Variants in PTPRD observed in about 807,000 individuals in gnomAD.
PTPRD encodes the protein protein tyrosine phosphatase receptor type D.
In PTPRD, 34 loss-of-function variants were observed where a neutral mutation model predicts 214.5. The ratio of observed to expected loss-of-function variants is 0.16; its 90% CI spans 0.12 to 0.21. The LOEUF (loss-of-function observed/expected upper bound fraction) is 0.21. Among genes scored for constraint, PTPRD ranks in the 10% least tolerant of loss-of-function variants. The pLI is 1.00. For missense variants in PTPRD, 2,545 were observed against 2,398.7 expected (o/e 1.06, Z -1.27); for synonymous variants, 1,128 against 845.7 (o/e 1.33, Z -5.79).
At chr9:10,040,258 T>C (rs1222574002) in intron 3 of PTPRD, among the ~76,000 whole-genome samples, 1 of 152,110 alleles carries the variant, frequency 6.6e-6, no homozygotes, top group Non-Finnish European at 1.5e-5. Context: ...TGTCGTTTGA[T>C]GTTATTGAAT....
At chr9:9,084,695 A>C (rs185694347) in intron 10 of PTPRD, among the ~76,000 whole-genome samples, 106 of 152,154 alleles carry the variant, frequency 7.0e-4, no homozygotes, top group Non-Finnish European at 1.2e-3. Context: ...GGTAGTAAAA[A>C]TATACTCCAA....
chr9:8,544,164 CTTTT>C (rs373194856), intron 14 of PTPRD, among the ~76,000 whole-genome samples: 11 of 111,144 alleles, frequency 9.9e-5, no homozygotes, highest in African/African-American at 3.6e-4. Context: ...TTTGCCATTA[CTTTT>C]TTTTTTTTTT....
intron 10 of PTPRD, among the ~76,000 whole-genome samples, chr9:9,060,517 T>G (rs1454215314): frequency 6.6e-6 from 1 of 152,084 alleles, no homozygotes; most frequent in Non-Finnish European, 1.5e-5. Flanking sequence ...CTAATTATGT[T>G]GTAGTAATAT....
intron 3 of PTPRD, among the ~76,000 whole-genome samples, chr9:10,087,739 T>C (rs2098370603): frequency 6.6e-6 from 1 of 151,752 alleles, no homozygotes; most frequent in African/African-American, 2.4e-5. Flanking sequence ...GAGTGCTTAA[T>C]ATTGCAACAA....
At chr9:9,271,349 C>A (rs187251736) in intron 9 of PTPRD, among the ~76,000 whole-genome samples, 5 of 150,272 alleles carry the variant, frequency 3.3e-5, no homozygotes, top group Non-Finnish European at 7.4e-5. Flanking sequence ...TGGAAAAGTA[C>A]GTTCACCTTC....
intron 11 of PTPRD, chr9:8,862,324 C>G (rs2098121641): frequency 2.0e-5 from 3 of 152,236 alleles, no homozygotes; most frequent in Admixed American, 1.3e-4. Context: ...CCATTGCACT[C>G]CAGACTGGGC....
rs73398660 is a variant in PTPRD, at chr9:9,826,256, C to A, written c.-367-59405G>T. On this transcript the variant is annotated intron_variant, in intron 5 of 45. Transcript: ENST00000381196. The stretch of plus-strand genomic sequence containing the variant: ...ATATTTGTTTGCTCTTATCTTCTTT[C>A]TAGTTCAGTCTTCATTTCTGAAATG... Among the ~76,000 whole-genome samples, 306 of 151,788 alleles carry A rather than the reference C, an allele frequency of 2.0e-3. 1 individual carries two copies. The highest frequency in any genetic ancestry group is 7.1e-3 in the African/African-American group (294 of 41,498).
rs532095396 is a variant in PTPRD, at chr9:9,836,220, C to A, written c.-367-69369G>T. Among the ~76,000 whole-genome samples, 15 of 152,196 alleles carry A rather than the reference C, an allele frequency of 9.9e-5. No homozygotes were observed. In the South Asian group the frequency reaches 3.1e-3, roughly 32 times the overall value. On this transcript the variant is annotated intron_variant, in intron 5 of 45. Coordinates refer to ENST00000381196, the MANE Select transcript of PTPRD (RefSeq NM_002839.4). ...ATATGGAAGGACATCCTAGAGTAGC[C>A]CCAGAATGTGAGCATATGAGTGCTC...
At chr9:9,656,314 T>A (rs540437195) in intron 7 of PTPRD, among the ~76,000 whole-genome samples, 1 of 152,182 alleles carries the variant, frequency 6.6e-6, no homozygotes, top group Admixed American at 6.5e-5. Flanking sequence ...CCTACACAGA[T>A]GCTTAGGGGA....
intron 11 of PTPRD, among the ~76,000 whole-genome samples, chr9:8,895,930 G>C (rs569078650): frequency 1.3e-5 from 2 of 152,196 alleles, no homozygotes; most frequent in African/African-American, 4.8e-5. Context: ...ACACTCCTAG[G>C]AGCCTGTTAA....
chr9:8,565,720 G>C (rs1241662250), intron 14 of PTPRD, among the ~76,000 whole-genome samples: 1 of 152,164 alleles, frequency 6.6e-6, no homozygotes, highest in Non-Finnish European at 1.5e-5. Context: ...AATTTAAACT[G>C]CTAAAGATCC....
At chr9:9,758,810 T>A (rs942838774) in intron 6 of PTPRD, among the ~76,000 whole-genome samples, 2 of 149,914 alleles carry the variant, frequency 1.3e-5, no homozygotes, top group South Asian at 4.3e-4. Context: ...AAGTCTCTCT[T>A]GTGTACAGGC....
At chr9:10,389,526 T>C (rs2098010850) in intron 2 of PTPRD, among the ~76,000 whole-genome samples, 1 of 151,890 alleles carries the variant, frequency 6.6e-6, no homozygotes, top group Non-Finnish European at 1.5e-5. Flanking sequence ...AGAAGTCTTC[T>C]ATAAACACTT....
intron 11 of PTPRD, among the ~76,000 whole-genome samples, chr9:8,816,479 G>A (rs10815959): frequency 0.66 from 99,609 of 151,982 alleles, 32,962 homozygotes; most frequent in Middle Eastern, 0.75. Flanking sequence ...CAAGCTAGCA[G>A]TATCGTTACA....
intron 4 of PTPRD, among the ~76,000 whole-genome samples, chr9:9,976,269 G>A (rs1273439481): frequency 6.6e-6 from 1 of 151,838 alleles, no homozygotes; most frequent in African/African-American, 2.4e-5. Flanking sequence ...TTAACTCCCA[G>A]CCATTTTAAA....
intron 12 of PTPRD, among the ~76,000 whole-genome samples, chr9:8,689,222 A>C (rs2097755599): frequency 6.6e-6 from 1 of 152,218 alleles, no homozygotes; most frequent in Non-Finnish European, 1.5e-5. Context: ...AAAAATAAAA[A>C]TAAAAAATAA....
chr9:8,668,140 A>T (rs1339842708), intron 12 of PTPRD, among the ~76,000 whole-genome samples: 2 of 152,282 alleles, frequency 1.3e-5, no homozygotes, highest in African/African-American at 2.4e-5. Flanking sequence ...TTCCAGTGGT[A>T]ACTGACTCTT....
intron 11 of PTPRD, among the ~76,000 whole-genome samples, chr9:8,827,991 C>G (rs2097209282): frequency 6.6e-6 from 1 of 152,030 alleles, no homozygotes; most frequent in African/African-American, 2.4e-5. Flanking sequence ...ATAATATATT[C>G]AATACTGTGT....
chr9:10,469,686 A>G (rs1384045626), intron 2 of PTPRD, among the ~76,000 whole-genome samples: 1 of 152,122 alleles, frequency 6.6e-6, no homozygotes, highest in Admixed American at 6.6e-5. Flanking sequence ...GAAAAACTGC[A>G]TATAAAAGAG....
Sources: allele counts gnomAD v4.1 joint callset (sites outside exome capture counted in the v4.1 genomes callset), GRCh38; gene constraint gnomAD v4.1.1; transcripts MANE v1.5; gene names NCBI Gene and HGNC (gene_info 2026-07-23, HGNC 2026-07-21).